Variants in ZNF175 observed in about 807,000 individuals in gnomAD.
ZNF175 encodes the protein zinc finger protein OTK18.
A neutral mutation model predicts 14.0 loss-of-function variants in ZNF175; 8 were observed. That is an observed-to-expected ratio of 0.57 (90% CI 0.34 to 1.03). ZNF175 has a LOEUF of 1.03. Ranked by LOEUF, ZNF175 falls within the 50% of genes least tolerant of loss-of-function variation. ZNF175 has a pLI of 0.03. For synonymous variants in ZNF175, 255 were observed against 296.8 expected (o/e 0.86, Z 1.45); for missense variants, 764 against 849.5 (o/e 0.90, Z 1.25).
chr19:51,585,755 AAAAAC>A lies in ZNF175; in HGVS notation c.296-857_296-853del, dbSNP rs547803912. ...GATCAGGGACTCTTATTCTTGGCAA[AAAAAC>A]AAAACAAAACAAAAAACTAAACTAA... On this transcript the variant is annotated intron_variant, in intron 4 of 4. Coordinates refer to ENST00000262259, the MANE Select transcript of ZNF175 (RefSeq NM_007147.4). Among the ~76,000 whole-genome samples the A allele has an allele frequency of 6.6e-5, 10 of 152,310 alleles. 1 individual carries two copies. Among genetic ancestry groups the A allele is most frequent in the South Asian group, 2.1e-4 (1 of 4,826 alleles).
chr19:51,591,824 A>T lies in ZNF175; in HGVS notation c.*3357A>T, dbSNP rs944855664. On this transcript the variant is annotated 3_prime_UTR_variant, in exon 5 of 5. Coordinates refer to ENST00000262259, the MANE Select transcript of ZNF175 (RefSeq NM_007147.4). ...CTCTGTCGCCCAGGCTCTGGAGTGC[A>T]GTGGCACGATCTCAGCTCACTGCAA... is the stretch of plus-strand genomic sequence containing the variant. The T allele has an allele frequency of 1.4e-5, 2 of 147,862 alleles. No individual in the cohort carries two copies. Among genetic ancestry groups the T allele is most frequent in the African/African-American group, 2.5e-5 (1 of 39,480 alleles). The allele number at this position is 147,862 out of a possible 1,614,324, so 9.2% of individuals were successfully genotyped here.
rs553615622 is a variant in ZNF175 at position 51,588,649 on chromosome 19, A to G, written c.*182A>G. On this transcript the variant is annotated 3_prime_UTR_variant, in exon 5 of 5. Transcript: ENST00000262259. ...GTCATGCTTTATTTTAGTGAGGGCA[A>G]TTACAGAGAAAAGAGTAAGCAGAAA... The G allele has an allele frequency of 1.6e-5, 10 of 617,148 alleles. No homozygotes were observed. Among genetic ancestry groups the G allele is most frequent in the Admixed American group, 1.1e-4 (3 of 26,972 alleles). The allele number at this position is 617,148 out of a possible 1,614,324, so 38.2% of individuals were successfully genotyped here.
intron 2 of ZNF175, among the ~76,000 whole-genome samples, chr19:51,576,160 T>G (rs1981780209): frequency 6.6e-6 from 1 of 151,032 alleles, no homozygotes; most frequent in South Asian, 2.1e-4. Flanking sequence ...TTGTTTTTTT[T>G]TTTTTTTGAG....
rs1162328862 is a variant in ZNF175 at position 51,581,467 on chromosome 19, G to A, written c.149G>A (p.Cys50Tyr). 6.2e-7 allele frequency: 1 copy of A among 1,614,146 alleles called. No homozygotes were observed. ...EWQQLDPAQRCLYRDVMLELY... is the reference protein window; with the variant it reads ...EWQQLDPAQRYLYRDVMLELY... ...CAGCAACTGGACCCTGCCCAGAGAT[G>A]CCTGTACCGGGATGTGATGCTGGAG... is the stretch of plus-strand genomic sequence containing the variant. Residue 50 changes from cysteine to tyrosine, a missense_variant, in exon 3 of 5, where the codon TGC becomes TAC. Cys to Tyr is a radical substitution (Grantham distance 194). Transcript: ENST00000262259.
Position 51,587,453 on chromosome 19 carries a change from G to C in ZNF175, c.1122G>C (p.Gln374His), listed in dbSNP as rs1358668270. ...KCHDCGKAFFQMLSLFRHQRT... is the reference protein window; with the variant it reads ...KCHDCGKAFFHMLSLFRHQRT... Reference sequence around the variant, plus strand: ...ATGACTGTGGAAAAGCCTTTTTCCAGATGTTATCTCTCTTCAGACATCAGA... The same window carrying C: ...ATGACTGTGGAAAAGCCTTTTTCCACATGTTATCTCTCTTCAGACATCAGA... The change falls in exon 5 of 5, where the codon CAG becomes CAC. Residue 374 changes from glutamine to histidine, a missense_variant. Physicochemically the swap from Gln to His is conservative, Grantham distance 24. Transcript: ENST00000262259. 7.4e-6 allele frequency: 12 copies of C among 1,614,070 alleles called. No individual in the cohort carries two copies. The Admixed American group carries it at 2.0e-4, about 27-fold the overall frequency.
intron 2 of ZNF175, among the ~76,000 whole-genome samples, chr19:51,579,151 G>C (rs1981909627): frequency 6.6e-6 from 1 of 151,704 alleles, no homozygotes; most frequent in Non-Finnish European, 1.5e-5. Flanking sequence ...TACTTGGGAG[G>C]CTGAGGCAGG....
Position 51,587,706 on chromosome 19 carries a change from A to C in ZNF175, c.1375A>C (p.Lys459Gln), listed in dbSNP as rs772437799. 1.9e-6 allele frequency: 3 copies of C among 1,614,170 alleles called. No homozygotes were observed. Among genetic ancestry groups the C allele is most frequent in the Non-Finnish European group, 2.5e-6 (3 of 1,180,024 alleles). The change falls in exon 5 of 5, where the codon AAG becomes CAG. Residue 459 changes from lysine to glutamine, a missense_variant. Coordinates refer to ENST00000262259, the MANE Select transcript of ZNF175 (RefSeq NM_007147.4). The part of the protein sequence containing the change: ...CIECGQAFIQ[K>Q]AHLIVHQRSH... ...CGAATGCGGGCAGGCCTTCATCCAG[A>C]AGGCACACCTGATTGTCCATCAAAG...
chr19:51,584,307 T>C (rs1215986042), intron 4 of ZNF175, among the ~76,000 whole-genome samples: 9 of 152,200 alleles, frequency 5.9e-5, no homozygotes, highest in Non-Finnish European at 1.3e-4. Context: ...CCATTTTGAA[T>C]TGAAACAAAG....
At position 51,577,724 on chromosome 19, in the gene ZNF175, C is replaced by T. The variant is rs558374434; in HGVS notation, c.73-3667C>T. On this transcript the variant is annotated intron_variant, in intron 2 of 4. Transcript: ENST00000262259. ...TGTCGCCCAGGCTGGAGTGCAGTGG[C>T]ACGATCTTGGCTCACTGCAAGCTCC... Among the ~76,000 whole-genome samples the T allele has an allele frequency of 7.8e-3, 1,114 of 142,316 alleles. 13 individuals are homozygous for T. The highest frequency in any genetic ancestry group is 0.052 in the South Asian group (236 of 4,518). 93.4% of individuals were successfully genotyped at this position (142,316 alleles called of 152,430 possible).
chr19:51,581,369 G>A, intron 2 of ZNF175, 22 bp from the exon 3 acceptor site: 4 of 1,614,150 alleles, frequency 2.5e-6, no homozygotes, highest in Non-Finnish European at 3.4e-6. Flanking sequence ...AATTCACAGT[G>A]AGCTGGGGTA....
At chr19:51,583,266 T>C (rs1982071526) in intron 4 of ZNF175, among the ~76,000 whole-genome samples, 1 of 152,196 alleles carries the variant, frequency 6.6e-6, no homozygotes, top group African/African-American at 2.4e-5. Context: ...GTCCCTGTGC[T>C]TAAACTGTGT....
chr19:51,588,467 A>C lies in ZNF175; in HGVS notation c.2136A>C (p.Ter712CysextTer9), dbSNP rs1393977888. ...SYSVKGFTKQ[*>C] is the part of the protein sequence containing the mutation. Reference sequence around the variant, plus strand: ...CTGTGAAAGGCTTTACCAAGCAATGAATTCCTAGTGCATCAGCATATTCAT... The same window carrying C: ...CTGTGAAAGGCTTTACCAAGCAATGCATTCCTAGTGCATCAGCATATTCAT... Residue 712 changes from the stop codon to cysteine (C), a stop_lost, in exon 5 of 5, where the codon TGA becomes TGC. Coordinates refer to ENST00000262259, the MANE Select transcript of ZNF175 (RefSeq NM_007147.4). 1 of 1,537,494 alleles carries C rather than the reference A, an allele frequency of 6.5e-7. No homozygotes were observed. Among genetic ancestry groups the C allele is most frequent in the Admixed American group, 2.2e-5 (1 of 46,460 alleles).
Position 51,591,661 on chromosome 19 carries a change from T to C in ZNF175, c.*3194T>C, listed in dbSNP as rs1982346704. ...CAGGCTTAGAGAATTTGACGTAAAC[T>C]CAAGACCGAAAATCTAGGAACAAGA... On this transcript the variant is annotated 3_prime_UTR_variant, in exon 5 of 5. Coordinates refer to ENST00000262259, the MANE Select transcript of ZNF175 (RefSeq NM_007147.4). 1.3e-5 allele frequency: 2 copies of C among 152,054 alleles called. No homozygotes were observed. The highest frequency in any genetic ancestry group is 1.3e-4 in the Admixed American group (2 of 15,268). 9.4% of individuals were successfully genotyped at this position (152,054 alleles called of 1,614,324 possible). A position where few individuals can be genotyped will look rare whatever the true frequency, so the allele number is the denominator to read the frequency against.
rs747356900 is a variant in ZNF175, at chr19:51,587,973, A to G, written c.1642A>G (p.Met548Val). 5 of 1,614,200 alleles carry G rather than the reference A, an allele frequency of 3.1e-6. No homozygotes were observed. Among genetic ancestry groups the G allele is most frequent in the East Asian group, 4.5e-5 (2 of 44,890 alleles). The change falls in exon 5 of 5, where the codon ATG becomes GTG. Residue 548 changes from methionine to valine, a missense_variant. Met to Val is a conservative substitution (Grantham distance 21). Coordinates refer to ENST00000262259, the MANE Select transcript of ZNF175 (RefSeq NM_007147.4). The part of the protein sequence containing the change: ...KAFNQKSILS[M>V]HQRIHTGEKP... ...CTTCAACCAGAAGTCAATACTCAGCATGCATCAGAGAATTCACACCGGAGA... is the reference window on the plus strand; with the variant it reads ...CTTCAACCAGAAGTCAATACTCAGCGTGCATCAGAGAATTCACACCGGAGA...
In ZNF175 at chr19:51,589,254, A is replaced by C; in HGVS notation, c.*787A>C. On this transcript the variant is annotated 3_prime_UTR_variant, in exon 5 of 5. Coordinates refer to ENST00000262259, the MANE Select transcript of ZNF175 (RefSeq NM_007147.4). ...GACATATGTATATGGTCTGGTCAGC[A>C]TATGTGTATGTATGCGTATGTATGT... 1 of 403,606 alleles carries C rather than the reference A, an allele frequency of 2.5e-6. No homozygotes were observed. Among genetic ancestry groups the C allele is most frequent in the Non-Finnish European group, 4.3e-6 (1 of 230,138 alleles). The allele number at this position is 403,606 out of a possible 1,614,324, so 25.0% of individuals were successfully genotyped here.
At position 51,587,873 on chromosome 19, in the gene ZNF175, A is replaced by G. The variant is rs142919883; in HGVS notation, c.1542A>G (p.Gln514=). 1.2e-5 allele frequency: 19 copies of G among 1,613,972 alleles called. No homozygotes were observed. Among genetic ancestry groups the G allele is most frequent in the Non-Finnish European group, 1.6e-5 (19 of 1,180,008 alleles). The change falls in exon 5 of 5, where the codon CAA becomes CAG. Residue 514 remains glutamine, a synonymous_variant. Transcript: ENST00000262259. ...GTGACTGTGGAAAAACCTTCACCCA[A>G]AAGTCACACCTGAATATACACCAGA... is the stretch of plus-strand genomic sequence containing the variant. The part of the protein sequence containing the change: ...ECSDCGKTFT[Q]KSHLNIHQKI...
At position 51,591,280 on chromosome 19, in the gene ZNF175, C is replaced by T. The variant is rs865979082; in HGVS notation, c.*2813C>T. On this transcript the variant is annotated 3_prime_UTR_variant, in exon 5 of 5. Coordinates refer to ENST00000262259, the MANE Select transcript of ZNF175 (RefSeq NM_007147.4). ...ACTATTTTTTCTTTCCTCTCAGTACCAAGCGCTGGGACAAGCCAGTCTGTA... is the reference window on the plus strand; with the variant it reads ...ACTATTTTTTCTTTCCTCTCAGTACTAAGCGCTGGGACAAGCCAGTCTGTA... The T allele has an allele frequency of 1.3e-5, 2 of 152,304 alleles. No individual in the cohort carries two copies. Among genetic ancestry groups the T allele is most frequent in the African/African-American group, 4.8e-5 (2 of 41,428 alleles). 9.4% of individuals were successfully genotyped at this position (152,304 alleles called of 1,614,324 possible). A position where few individuals can be genotyped will look rare whatever the true frequency, so the allele number is the denominator to read the frequency against.
At position 51,589,789 on chromosome 19, in the gene ZNF175, T is replaced by G; in HGVS notation, c.*1322T>G. On this transcript the variant is annotated 3_prime_UTR_variant, in exon 5 of 5. Transcript: ENST00000262259. ...GCTGCACTGGCAGAATTGAGTAGTT[T>G]TGGCGGAGATCAAATAGCCCCCAAG... 1.8e-6 allele frequency: 1 copy of G among 566,756 alleles called. No homozygotes were observed. 35.1% of individuals were successfully genotyped at this position (566,756 alleles called of 1,614,324 possible).
At position 51,573,167 on chromosome 19, in the gene ZNF175, A is replaced by G; in HGVS notation, c.-163A>G. The G allele has an allele frequency of 1.4e-6, 1 of 693,864 alleles. No homozygotes were observed. Among genetic ancestry groups the G allele is most frequent in the Non-Finnish European group, 2.5e-6 (1 of 393,370 alleles). 43.0% of individuals were successfully genotyped at this position (693,864 alleles called of 1,614,324 possible). A position where few individuals can be genotyped will look rare whatever the true frequency, so the allele number is the denominator to read the frequency against. Reference sequence around the variant, plus strand: ...TTTCCAAGGCTTCTGCAGAACCCCCAGGTCAGGCCACATCATTGAGGCTGC... The same window carrying G: ...TTTCCAAGGCTTCTGCAGAACCCCCGGGTCAGGCCACATCATTGAGGCTGC... On this transcript the variant is annotated 5_prime_UTR_variant, in exon 2 of 5. Coordinates refer to ENST00000262259, the MANE Select transcript of ZNF175 (RefSeq NM_007147.4).
Sources: allele counts gnomAD v4.1 joint callset (sites outside exome capture counted in the v4.1 genomes callset), GRCh38; gene constraint gnomAD v4.1.1; transcripts MANE v1.5; gene names NCBI Gene and HGNC (gene_info 2026-07-23, HGNC 2026-07-21).